Variants in ADAMTSL3 observed in about 807,000 individuals in gnomAD.
ADAMTSL3 encodes ADAMTS like 3.
A neutral mutation model predicts 201.7 loss-of-function variants in ADAMTSL3; 128 were observed. That is an observed-to-expected ratio of 0.63 (90% CI 0.55 to 0.73). The LOEUF (loss-of-function observed/expected upper bound fraction) is 0.73, where lower values mean the gene tolerates loss of function less well. Ranked by LOEUF, ADAMTSL3 falls within the 30% of genes least tolerant of loss-of-function variation. The pLI is 0.00. For missense variants in ADAMTSL3, 1,990 were observed against 2,119.6 expected, an observed-to-expected ratio of 0.94 and a Z score of 1.20; for synonymous variants, 738 against 748.4, an observed-to-expected ratio of 0.99 and a Z score of 0.23.
intron 19 of ADAMTSL3, among the ~76,000 whole-genome samples, chr15:83,960,802 T>C (rs1311597540): frequency 6.6e-6 from 1 of 152,160 alleles, no homozygotes; most frequent in African/African-American, 2.4e-5. Flanking sequence ...ATGTAAAGTC[T>C]CCTAGCTCGT....
At chr15:84,016,597 T>C (rs1339097734) in intron 25 of ADAMTSL3, 98 bp downstream of exon 25, 6 of 1,027,284 alleles carry the variant, frequency 5.8e-6, no homozygotes, top group South Asian at 1.5e-5. Flanking sequence ...CTTTGCAATA[T>C]GTAAAATTAT....
chr15:83,902,457 A>T (rs565481874), intron 15 of ADAMTSL3, among the ~76,000 whole-genome samples: 87 of 152,268 alleles, frequency 5.7e-4, no homozygotes, highest in African/African-American at 2.0e-3. Context: ...TTTTTAATAC[A>T]GACAGGGTTT....
At chr15:83,854,300 C>G (rs1199342793) in intron 7 of ADAMTSL3, among the ~76,000 whole-genome samples, 2 of 151,772 alleles carry the variant, frequency 1.3e-5, no homozygotes, top group Admixed American at 6.6e-5. Context: ...TTAGCATGTC[C>G]CATATTCTGG....
Position 84,025,331 on chromosome 15 carries a change from A to G in ADAMTSL3, c.4551A>G (p.Gly1517=), listed in dbSNP as rs2068283799. The stretch of plus-strand genomic sequence containing the variant: ...CGTGCAAGCGGACAAAAGCCAATGG[A>G]ACTGTGCAGGTGGTGTCTCCAAGAG... ...QVTCKRTKAN[G]TVQVVSPRAC... Residue 1517 remains glycine (G), a synonymous_variant, in exon 27 of 30, where the codon GGA becomes GGG. Transcript: ENST00000286744. 2.5e-6 allele frequency: 4 copies of G among 1,614,152 alleles called. No homozygotes were observed. The highest frequency in any genetic ancestry group is 3.4e-6 in the Non-Finnish European group (4 of 1,180,020).
chr15:83,690,427 C>T (rs887921356), intron 2 of ADAMTSL3, among the ~76,000 whole-genome samples: 2 of 152,112 alleles, frequency 1.3e-5, no homozygotes, highest in South Asian at 2.1e-4. Context: ...ACTGTTGCCC[C>T]CCGTCTCCTG....
chr15:84,026,097 A>G (rs745723840), intron 27 of ADAMTSL3, among the ~76,000 whole-genome samples: 5 of 152,212 alleles, frequency 3.3e-5, no homozygotes, highest in Non-Finnish European at 7.3e-5. Context: ...TATTGGAGGT[A>G]TAGAGAGACT....
chr15:83,667,361 CA>C lies in ADAMTSL3; in HGVS notation c.69+11536del, dbSNP rs149197050. Among the ~76,000 whole-genome samples the C allele has an allele frequency of 3.3e-3, 502 of 152,132 alleles. 3 individuals carry two copies. Among genetic ancestry groups the C allele is most frequent in the Non-Finnish European group, 4.9e-3 (331 of 67,982 alleles). ...TAAGTTTTTGGTCACATTCCAGGAACAAAAAGTTCTCTTGTCTTAAATGGCA... is the reference window on the plus strand; with the variant it reads ...TAAGTTTTTGGTCACATTCCAGGAACAAAAGTTCTCTTGTCTTAAATGGCA... On this transcript the variant is annotated intron_variant, in intron 2 of 29. Coordinates refer to ENST00000286744, the MANE Select transcript of ADAMTSL3 (RefSeq NM_207517.3).
chr15:83,761,749 A>G (rs762294381), intron 3 of ADAMTSL3, among the ~76,000 whole-genome samples: 4 of 152,206 alleles, frequency 2.6e-5, no homozygotes, highest in Non-Finnish European at 4.4e-5. Context: ...CTTTATGTTT[A>G]AGAATTTATT....
chr15:83,896,187 A>C (rs1282206824), intron 13 of ADAMTSL3, among the ~76,000 whole-genome samples: 1 of 152,150 alleles, frequency 6.6e-6, no homozygotes, highest in African/African-American at 2.4e-5. Flanking sequence ...GCCTGAAGCT[A>C]CTGACCCGGA....
intron 15 of ADAMTSL3, among the ~76,000 whole-genome samples, chr15:83,903,942 A>AGGGAGGGG (rs1567226109): frequency 5.2e-5 from 2 of 38,098 alleles, no homozygotes; most frequent in Non-Finnish European, 8.6e-5. Flanking sequence ...AAAAAAAAAA[A>AGGGAGGGG]AAGAAAAAAG....
chr15:83,903,205 C>T (rs1478402727), intron 15 of ADAMTSL3, among the ~76,000 whole-genome samples: 1 of 150,652 alleles, frequency 6.6e-6, no homozygotes, highest in Non-Finnish European at 1.5e-5. Context: ...AGTGGGGCTC[C>T]ATCACCAACA....
At chr15:83,975,100 C>A (rs2067262193) in intron 20 of ADAMTSL3, among the ~76,000 whole-genome samples, 1 of 148,134 alleles carries the variant, frequency 6.8e-6, no homozygotes, top group African/African-American at 2.5e-5. Flanking sequence ...CTCCCGGGTT[C>A]ACGCCATTCT....
At chr15:83,860,584 A>T (rs921122378) in intron 8 of ADAMTSL3, among the ~76,000 whole-genome samples, 10 of 152,262 alleles carry the variant, frequency 6.6e-5, no homozygotes, top group Admixed American at 4.6e-4. Flanking sequence ...TATTCTCATG[A>T]TATTAAAGGC....
rs114720160 is a variant in ADAMTSL3, at chr15:83,894,526, C to A, written c.1467+1638C>A. 8.5e-3 allele frequency among the ~76,000 whole-genome samples: 1,300 copies of A among 152,220 alleles called. 16 individuals are homozygous for A. Among genetic ancestry groups the A allele is most frequent in the African/African-American group, 0.029 (1,212 of 41,542 alleles). ...AATGCCATGATAATTTCTGTCTTTG[C>A]CATCTTTCATTTAAAAAATACAGGG... On this transcript the variant is annotated intron_variant, in intron 13 of 29. Coordinates refer to ENST00000286744, the MANE Select transcript of ADAMTSL3 (RefSeq NM_207517.3).
intron 23 of ADAMTSL3, among the ~76,000 whole-genome samples, chr15:84,009,481 T>C (rs1434948703): frequency 6.6e-6 from 1 of 152,254 alleles, no homozygotes; most frequent in Non-Finnish European, 1.5e-5. Context: ...ATAATATATG[T>C]ACTTCATTAC....
intron 3 of ADAMTSL3, among the ~76,000 whole-genome samples, chr15:83,708,960 C>A (rs1480210463): frequency 1.3e-5 from 2 of 152,176 alleles, no homozygotes; most frequent in Non-Finnish European, 2.9e-5. Flanking sequence ...CCATTACACT[C>A]CAAACCCAAG....
intron 3 of ADAMTSL3, chr15:83,717,408 T>G (rs2062034776): frequency 6.6e-6 from 1 of 152,206 alleles, no homozygotes; most frequent in Non-Finnish European, 1.5e-5. Context: ...ATAATTACAG[T>G]TTACTCTTCT....
chr15:83,892,836 A>T lies in ADAMTSL3; in HGVS notation c.1415A>T (p.Gln472Leu), dbSNP rs2065538050. The T allele has an allele frequency of 6.2e-7, 1 of 1,614,102 alleles. No homozygotes were observed. Among genetic ancestry groups the T allele is most frequent in the African/African-American group, 1.3e-5 (1 of 75,048 alleles). Residue 472 changes from glutamine to leucine, a missense_variant, in exon 13 of 30, where the codon CAA becomes CTA. Gln to Leu is a moderately radical substitution (Grantham distance 113, BLOSUM62 -2). Transcript: ENST00000286744. ...CMYAPKPKVM[Q>L]TCNLFDCPKW... ...TACGCACCCAAACCCAAGGTTATGCAAACTTGTAATCTGTTTGATTGCCCC... is the reference window on the plus strand; with the variant it reads ...TACGCACCCAAACCCAAGGTTATGCTAACTTGTAATCTGTTTGATTGCCCC...
chr15:83,988,301 C>T (rs981781030), intron 21 of ADAMTSL3, among the ~76,000 whole-genome samples: 2 of 152,186 alleles, frequency 1.3e-5, no homozygotes, highest in Non-Finnish European at 2.9e-5. Context: ...TCCACACCTG[C>T]AGTTTGTTAG....
Sources: gnomAD v4.1 joint callset for allele counts (sites outside exome capture counted in the v4.1 genomes callset) on GRCh38, gnomAD v4.1.1 for gene constraint, MANE v1.5 for transcripts, NCBI Gene and HGNC (gene_info 2026-07-23, HGNC 2026-07-21) for gene names.